Variants in PTPN22 observed in about 807,000 individuals in gnomAD.
The protein encoded by PTPN22 is tyrosine-protein phosphatase non-receptor type 22.
A neutral mutation model predicts 103.3 loss-of-function variants in PTPN22; 85 were observed. The observed-to-expected ratio is 0.82, with a 90% CI of 0.69 to 0.99. The LOEUF is 0.99. PTPN22 is among the 50% of genes least tolerant of loss of function. PTPN22 has a pLI of 0.00. For missense variants in PTPN22, 865 were observed against 936.9 expected (o/e 0.92, Z 1.00); for synonymous variants, 323 against 310.2 (o/e 1.04, Z -0.43).
intron 18 of PTPN22, among the ~76,000 whole-genome samples, 185 bp downstream of exon 18, chr1:113,829,407 A>G (rs933627564): frequency 6.6e-6 from 1 of 152,096 alleles, no homozygotes; most frequent in Non-Finnish European, 1.5e-5. Flanking sequence ...CCTCTGACAA[A>G]TGCCTCTTTA....
intron 1 of PTPN22, among the ~76,000 whole-genome samples, chr1:113,859,866 C>G (rs978030777): frequency 6.6e-6 from 1 of 151,606 alleles, no homozygotes; most frequent in South Asian, 2.1e-4. Context: ...TACTTCAGAT[C>G]GCTTTTTTTT....
chr1:113,822,987 T>C (rs565168588), intron 19 of PTPN22, among the ~76,000 whole-genome samples: 19 of 152,300 alleles, frequency 1.2e-4, no homozygotes, highest in African/African-American at 4.3e-4. Context: ...CTTGGACTAC[T>C]CATTCTAAAG....
chr1:113,863,082 G>C (rs755030950), intron 1 of PTPN22, among the ~76,000 whole-genome samples: 6 of 152,044 alleles, frequency 3.9e-5, no homozygotes, highest in Admixed American at 1.3e-4. Context: ...CAAGAAATGT[G>C]TGTGTTGTTG....
At chr1:113,871,128 G>A (rs1444477581) in intron 1 of PTPN22, among the ~76,000 whole-genome samples, 2 of 152,114 alleles carry the variant, frequency 1.3e-5, no homozygotes, top group Non-Finnish European at 2.9e-5. Flanking sequence ...ATCCCAGAGG[G>A]GAGGCTAAAA....
intron 19 of PTPN22, among the ~76,000 whole-genome samples, chr1:113,822,812 T>A (rs1661724903): frequency 6.6e-6 from 1 of 151,946 alleles, no homozygotes; most frequent in Admixed American, 6.6e-5. Flanking sequence ...ATACAAAAAT[T>A]AGCTGGGCAT....
exon 5 of PTPN22, chr1:113,857,752 A>G: frequency 6.2e-7 from 1 of 1,611,620 alleles, no homozygotes; most frequent in Non-Finnish European, 8.5e-7. Flanking sequence ...CCCATTTCAT[A>G]CTCCATGCAT....
At chr1:113,846,595 C>T (rs1026049304) in intron 11 of PTPN22, among the ~76,000 whole-genome samples, 8 of 152,132 alleles carry the variant, frequency 5.3e-5, no homozygotes, top group Admixed American at 4.6e-4. Context: ...TTTCATCATT[C>T]CCTTTCGGTT....
chr1:113,851,238 C>G (rs896461330), intron 10 of PTPN22, among the ~76,000 whole-genome samples: 2 of 149,944 alleles, frequency 1.3e-5, no homozygotes, highest in Non-Finnish European at 1.5e-5. Context: ...CTGCAACCTC[C>G]ACCTCGCAGG....
chr1:113,830,335 G>A (rs1662445479), intron 16 of PTPN22, among the ~76,000 whole-genome samples: 1 of 152,064 alleles, frequency 6.6e-6, no homozygotes, highest in Admixed American at 6.6e-5. Flanking sequence ...GGGCATAGAG[G>A]ATGTTAAATA....
intron 11 of PTPN22, among the ~76,000 whole-genome samples, chr1:113,847,771 G>T (rs1465856053): frequency 6.6e-6 from 1 of 151,504 alleles, no homozygotes; most frequent in East Asian, 2.0e-4. Flanking sequence ...TAGAGATGGG[G>T]TTTCACCATG....
At chr1:113,837,673 G>A in exon 13 of PTPN22, 1 of 1,604,178 alleles carries the variant, frequency 6.2e-7, no homozygotes. Flanking sequence ...ATTGTAATAA[G>A]AGAAGAGGGA....
chr1:113,871,407 T>C, intron 1 of PTPN22, 130 bp downstream of exon 1: 1 of 667,448 alleles, frequency 1.5e-6, no homozygotes, highest in Non-Finnish European at 2.5e-6. Flanking sequence ...AACTTTTTTT[T>C]TTCTGTCTTC....
intron 13 of PTPN22, among the ~76,000 whole-genome samples, chr1:113,836,548 C>A (rs529110112): frequency 6.6e-6 from 1 of 152,272 alleles, no homozygotes; most frequent in Admixed American, 6.5e-5. Context: ...CTCATTTTAG[C>A]CACATAATTG....
intron 11 of PTPN22, among the ~76,000 whole-genome samples, chr1:113,845,224 T>C (rs1374884985): frequency 6.7e-6 from 1 of 149,104 alleles, no homozygotes; most frequent in Non-Finnish European, 1.5e-5. Context: ...TGAGACAGAG[T>C]CTCGCTTTGT....
At chr1:113,842,335 T>C (rs1663623618) in intron 11 of PTPN22, among the ~76,000 whole-genome samples, 1 of 151,838 alleles carries the variant, frequency 6.6e-6, no homozygotes, top group South Asian at 2.1e-4. Context: ...TAAATCAAAA[T>C]CACAATGAGA....
chr1:113,870,816 C>T (rs1666517212), intron 1 of PTPN22, among the ~76,000 whole-genome samples: 1 of 152,100 alleles, frequency 6.6e-6, no homozygotes, highest in Middle Eastern at 3.4e-3. Flanking sequence ...GCCAGGAGTT[C>T]GAGACAAGCC....
chr1:113,859,030 G>T (rs778514849), exon 3 of PTPN22: 1 of 1,613,914 alleles, frequency 6.2e-7, no homozygotes, highest in Non-Finnish European at 8.5e-7. Flanking sequence ...GATGTAGCTG[G>T]AATCCTCATC....
At chr1:113,855,000 T>A in exon 8 of PTPN22, 16 of 1,608,862 alleles carry the variant, frequency 9.9e-6, no homozygotes, top group Non-Finnish European at 1.4e-5. Flanking sequence ...TGAAGGTACA[T>A]CATGGTCTGG....
At chr1:113,854,684 C>A (rs1664893921) in intron 8 of PTPN22, 147 bp from the exon 9 acceptor site, 4 of 992,758 alleles carry the variant, frequency 4.0e-6, no homozygotes, top group Admixed American at 4.8e-5. Context: ...TTTCCCAGAG[C>A]CCATTTGTCA....
Sources: gnomAD v4.1 joint callset for allele counts (sites outside exome capture counted in the v4.1 genomes callset) on GRCh38, gnomAD v4.1.1 for gene constraint, MANE v1.5 for transcripts, NCBI Gene and HGNC (gene_info 2026-07-23, HGNC 2026-07-21) for gene names.